The following SLC24A2 variants were observed in gnomAD, a reference collection of about 807,000 sequenced individuals.
SLC24A2 encodes the protein sodium/potassium/calcium exchanger 2.
SLC24A2 carries 36 observed loss-of-function variants against 62.0 expected under a neutral mutation model. That is an observed-to-expected ratio of 0.58 (90% confidence interval 0.44 to 0.77). The LOEUF is 0.77. Among genes scored for constraint, SLC24A2 ranks in the 30% least tolerant of loss-of-function variants. The pLI is 0.00. For synonymous variants in SLC24A2, 358 were observed against 294.0 expected (o/e 1.22, Z -2.23); for missense variants, 846 against 817.9 (o/e 1.03, Z -0.42).
At chr9:20,007,879 C>CTTTTTTTTTT in the SLC24A2 span, among the ~76,000 whole-genome samples, 13 of 39,542 alleles carry the variant, frequency 3.3e-4, 5 homozygotes, top group African/African-American at 7.8e-4. Flanking sequence ...TTACTCCTCT[C>CTTTTTTTTTT]TTTTTTTTTT....
At chr9:19,899,336 G>C in the SLC24A2 span, among the ~76,000 whole-genome samples, 7 of 152,194 alleles carry the variant, frequency 4.6e-5, no homozygotes, top group Non-Finnish European at 7.3e-5. Context: ...ATGGAAACTG[G>C]CTATAGCCCA....
At chr9:19,939,128 G>T in the SLC24A2 span, among the ~76,000 whole-genome samples, 1 of 152,216 alleles carries the variant, frequency 6.6e-6, no homozygotes, top group Non-Finnish European at 1.5e-5. Flanking sequence ...GGATTCTAGT[G>T]TACATAACAG....
In SLC24A2 at chr9:19,586,804, A is replaced by G. The variant is rs540180204; in HGVS notation, c.1130-9782T>C. Among the ~76,000 whole-genome samples, 9 of 152,268 alleles carry G rather than the reference A, an allele frequency of 5.9e-5. No homozygotes were observed. The East Asian group carries it at 1.7e-3, about 29-fold the overall frequency. Reference sequence around the variant, plus strand: ...ATTGTTTTAGGAACTTAATCTTTTGAACATTTCAATCTCATATATACAGAT... The same window carrying G: ...ATTGTTTTAGGAACTTAATCTTTTGGACATTTCAATCTCATATATACAGAT... On this transcript the variant is annotated intron_variant, in intron 5 of 10. Transcript: ENST00000341998.
rs559537696 is a variant in SLC24A2, at chr9:19,597,885, G to C, written c.1079-606C>G. On this transcript the variant is annotated intron_variant, in intron 4 of 10. Coordinates refer to ENST00000341998, the MANE Select transcript of SLC24A2 (RefSeq NM_020344.4). The stretch of plus-strand genomic sequence containing the variant: ...GGCATGTTCCCAGGGAAGACCACCA[G>C]CTCAGATAAGTGACAGGGCAGCCAC... Among the ~76,000 whole-genome samples, 37 of 152,318 alleles carry C rather than the reference G, an allele frequency of 2.4e-4. No homozygotes were observed. The South Asian group carries it at 4.8e-3, about 20-fold the overall frequency.
chr9:19,774,870 C>G (rs1379017179), intron 2 of SLC24A2, among the ~76,000 whole-genome samples: 1 of 152,336 alleles, frequency 6.6e-6, no homozygotes, highest in East Asian at 1.9e-4. Context: ...CATGACCTAA[C>G]TATCTCTTCT....
intron 2 of SLC24A2, among the ~76,000 whole-genome samples, chr9:19,726,042 A>T (rs1022847351): frequency 4.6e-5 from 7 of 152,190 alleles, no homozygotes; most frequent in Admixed American, 2.6e-4. Context: ...TGACCTCCTG[A>T]TTCCTGAAGC....
the SLC24A2 span, among the ~76,000 whole-genome samples, chr9:19,875,533 T>C: frequency 6.6e-6 from 1 of 152,186 alleles, no homozygotes; most frequent in African/African-American, 2.4e-5. Flanking sequence ...GGGCTCCATC[T>C]GTGAGCGGAA....
At chr9:19,688,779 G>A (rs1819959025) in intron 2 of SLC24A2, among the ~76,000 whole-genome samples, 1 of 152,080 alleles carries the variant, frequency 6.6e-6, no homozygotes, top group Non-Finnish European at 1.5e-5. Context: ...CTTTCCCTAA[G>A]CCAGAGGAAT....
chr9:19,837,445 C>T, the SLC24A2 span, among the ~76,000 whole-genome samples: 5 of 101,252 alleles, frequency 4.9e-5, no homozygotes, highest in South Asian at 3.7e-4. Context: ...GGCGACAGAG[C>T]GAGACTCCGT....
chr9:19,660,906 G>GT (rs1819079484), intron 2 of SLC24A2, among the ~76,000 whole-genome samples: 3 of 152,128 alleles, frequency 2.0e-5, no homozygotes, highest in Admixed American at 1.3e-4. Flanking sequence ...GCTTGGAGAG[G>GT]TTTTGTAATT....
At chr9:20,059,441 T>C in the SLC24A2 span, among the ~76,000 whole-genome samples, 15 of 152,200 alleles carry the variant, frequency 9.9e-5, no homozygotes, top group African/African-American at 3.6e-4. Flanking sequence ...ATTGAAATCT[T>C]ACAAAATATC....
intron 2 of SLC24A2, among the ~76,000 whole-genome samples, chr9:19,724,983 G>C (rs1368401728): frequency 6.6e-6 from 1 of 152,086 alleles, no homozygotes; most frequent in African/African-American, 2.4e-5. Flanking sequence ...TGCCAGAGGA[G>C]CTCACGTGCT....
the SLC24A2 span, among the ~76,000 whole-genome samples, chr9:20,101,188 T>C: frequency 6.6e-6 from 1 of 152,272 alleles, no homozygotes; most frequent in African/African-American, 2.4e-5. Context: ...CAGTGACTTC[T>C]CATCTGCTTT....
At chr9:20,137,981 G>A in the SLC24A2 span, among the ~76,000 whole-genome samples, 2 of 152,184 alleles carry the variant, frequency 1.3e-5, no homozygotes, top group African/African-American at 4.8e-5. Context: ...GGGAAACTGA[G>A]ACAAAGAAGC....
chr9:19,556,459 G>T (rs1835091571), intron 7 of SLC24A2, among the ~76,000 whole-genome samples: 1 of 152,216 alleles, frequency 6.6e-6, no homozygotes, highest in Non-Finnish European at 1.5e-5. Flanking sequence ...TCCTATCAGA[G>T]AATTAAAGTG....
chr9:19,782,290 A>C (rs550755223), intron 2 of SLC24A2, among the ~76,000 whole-genome samples: 1 of 152,346 alleles, frequency 6.6e-6, no homozygotes, highest in African/African-American at 2.4e-5. Context: ...GCAGGATTCA[A>C]ACTTATTCCT....
At chr9:20,056,717 C>T in the SLC24A2 span, among the ~76,000 whole-genome samples, 1 of 152,154 alleles carries the variant, frequency 6.6e-6, no homozygotes, top group African/African-American at 2.4e-5. Context: ...CCACTTCAAC[C>T]CCCTTTTGGT....
At chr9:19,917,855 G>A in the SLC24A2 span, among the ~76,000 whole-genome samples, 1 of 151,918 alleles carries the variant, frequency 6.6e-6, no homozygotes, top group Non-Finnish European at 1.5e-5. Context: ...TCAAATATTA[G>A]TAGAATATTT....
chr9:19,682,972 A>G (rs1292546802), intron 2 of SLC24A2, among the ~76,000 whole-genome samples: 1 of 152,176 alleles, frequency 6.6e-6, no homozygotes, highest in Admixed American at 6.6e-5. Flanking sequence ...GCTGTTTCAA[A>G]AAAGGTTTAG....
Sources: gnomAD v4.1 joint callset for allele counts (sites outside exome capture counted in the v4.1 genomes callset) on GRCh38, gnomAD v4.1.1 for gene constraint, MANE v1.5 for transcripts, NCBI Gene and HGNC (gene_info 2026-07-23, HGNC 2026-07-21) for gene names.